Variants in TM2D1 observed in about 807,000 individuals in gnomAD.
TM2D1 encodes the protein TM2 domain containing 1, also known as TM2 domain-containing protein 1.
In TM2D1, 15 loss-of-function variants were observed where a neutral mutation model predicts 28.4. The ratio of observed to expected loss-of-function variants is 0.53; its 90% confidence interval spans 0.35 to 0.81. TM2D1 has a LOEUF of 0.81. Ranked by LOEUF, TM2D1 falls within the 40% of genes least tolerant of loss-of-function variation. The pLI is 0.01. For synonymous variants in TM2D1, 93 were observed against 96.2 expected (o/e 0.97, Z 0.20); for missense variants, 236 against 254.9 (o/e 0.93, Z 0.50).
chr1:61,717,928 C>G (rs561019369), intron 2 of TM2D1, among the ~76,000 whole-genome samples: 1 of 152,002 alleles, frequency 6.6e-6, no homozygotes, highest in Non-Finnish European at 1.5e-5. Context: ...GCAGGAGGAT[C>G]GCTTGAGTCC....
At chr1:61,708,715 C>T (rs1644456901) in intron 3 of TM2D1, among the ~76,000 whole-genome samples, 1 of 152,202 alleles carries the variant, frequency 6.6e-6, no homozygotes, top group Non-Finnish European at 1.5e-5. Context: ...AAATCTCCCA[C>T]ATTTTGAAGA....
At position 61,683,433 on chromosome 1, in the gene TM2D1, T is replaced by C. The variant is rs1644262224; in HGVS notation, c.*3A>G. 8.1e-7 allele frequency: 1 copy of C among 1,240,234 alleles called. No individual in the cohort carries two copies. Among genetic ancestry groups the C allele is most frequent in the Non-Finnish European group, 1.1e-6 (1 of 905,582 alleles). 76.8% of individuals were successfully genotyped at this position (1,240,234 alleles called of 1,614,324 possible). ...ATCACTTACTGTTTCTTTTAAAAAA[T>C]ATTTATGGATATAATTGCGTTTTTC... On this transcript the variant is annotated 3_prime_UTR_variant, in exon 6 of 7. Coordinates refer to ENST00000606498, the MANE Select transcript of TM2D1 (RefSeq NM_032027.3).
At chr1:61,716,148 C>G (rs911031713) in intron 2 of TM2D1, among the ~76,000 whole-genome samples, 5 of 151,068 alleles carry the variant, frequency 3.3e-5, no homozygotes, top group Non-Finnish European at 5.9e-5. Context: ...TAGTGAGACT[C>G]TGTCTCTAAA....
chr1:61,713,209 G>A (rs909946176), intron 2 of TM2D1, among the ~76,000 whole-genome samples: 1 of 151,722 alleles, frequency 6.6e-6, no homozygotes, highest in Non-Finnish European at 1.5e-5. Context: ...CGGGTGCAGC[G>A]GCTCATGCCT....
At chr1:61,714,539 C>CA (rs935045395) in intron 2 of TM2D1, among the ~76,000 whole-genome samples, 6 of 151,236 alleles carry the variant, frequency 4.0e-5, no homozygotes, top group African/African-American at 1.5e-4. Context: ...AGACTCTGTC[C>CA]AAAAAAAACT....
intron 2 of TM2D1, 23 bp from the exon 3 acceptor site, chr1:61,709,460 A>C (rs764843839): frequency 1.4e-5 from 22 of 1,552,042 alleles, no homozygotes; most frequent in Non-Finnish European, 2.0e-5. Flanking sequence ...AAAGTCAAGA[A>C]ACTGTTATTT....
intron 4 of TM2D1, 73 bp downstream of exon 4, chr1:61,700,861 A>G (rs1311169673): frequency 2.1e-5 from 22 of 1,055,390 alleles, no homozygotes; most frequent in Non-Finnish European, 3.1e-5. Flanking sequence ...ACAGAGATTT[A>G]ATCCATAAGA....
chr1:61,725,015 C>T lies in TM2D1; in HGVS notation c.106G>A (p.Val36Ile), dbSNP rs1644595365. 1 of 1,611,116 alleles carries T rather than the reference C, an allele frequency of 6.2e-7. No homozygotes were observed. The highest frequency in any genetic ancestry group is 1.1e-5 in the South Asian group (1 of 91,046). Reference protein sequence around the residue: ...VSVTTGPWGAVATSAGGEESL... With the variant: ...VSVTTGPWGAIATSAGGEESL... ...TCCTCGCCCCCGGCGGAGGTGGCAA[C>T]AGCCCCCCAGGGTCCTGTAGTGACT... The change falls in exon 1 of 7, where the codon GTT (valine) becomes ATT (isoleucine). Residue 36 changes from valine (V) to isoleucine (I), a missense_variant. Physicochemically the swap from Val to Ile is conservative, Grantham distance 29. Transcript: ENST00000606498.
At chr1:61,682,451 A>G (rs1329265526) in intron 6 of TM2D1, among the ~76,000 whole-genome samples, 5 of 152,244 alleles carry the variant, frequency 3.3e-5, no homozygotes, top group Non-Finnish European at 2.9e-5. Flanking sequence ...CAAAATCCTG[A>G]GTAAAAGTTT....
chr1:61,706,751 G>A (rs61770089), intron 3 of TM2D1, among the ~76,000 whole-genome samples: 89,131 of 150,896 alleles, frequency 0.59, 27,873 homozygotes, highest in East Asian at 0.84. Context: ...CAGTGATGGC[G>A]GAGGTTGGTG....
chr1:61,710,573 A>G (rs554208133), intron 2 of TM2D1, among the ~76,000 whole-genome samples: 2 of 151,286 alleles, frequency 1.3e-5, no homozygotes, highest in East Asian at 3.9e-4. Flanking sequence ...AGAATATATA[A>G]AAGTACCTGG....
At chr1:61,690,481 A>C (rs1779265) in intron 5 of TM2D1, among the ~76,000 whole-genome samples, 26 of 120,770 alleles carry the variant, frequency 2.2e-4, no homozygotes, top group African/African-American at 7.1e-4. Flanking sequence ...AAAAAAAAAA[A>C]CACAAAACAA....
intron 3 of TM2D1, among the ~76,000 whole-genome samples, chr1:61,701,509 T>C (rs1473922099): frequency 6.6e-6 from 1 of 151,882 alleles, no homozygotes; most frequent in Non-Finnish European, 1.5e-5. Flanking sequence ...AACTATCATT[T>C]TGAAGTCAAA....
At chr1:61,686,060 A>T (rs1644283204) in intron 5 of TM2D1, among the ~76,000 whole-genome samples, 1 of 152,134 alleles carries the variant, frequency 6.6e-6, no homozygotes, top group South Asian at 2.1e-4. Flanking sequence ...TGAAAGGAAA[A>T]CTTGGAAGAG....
intron 3 of TM2D1, among the ~76,000 whole-genome samples, chr1:61,701,310 C>CAAAAAAAA (rs10587870): frequency 6.7e-4 from 56 of 84,072 alleles, no homozygotes; most frequent in East Asian, 8.4e-4. Flanking sequence ...TAAATGTTAA[C>CAAAAAAAA]AAAAAAAAAA....
intron 2 of TM2D1, among the ~76,000 whole-genome samples, chr1:61,721,861 C>G (rs146348375): frequency 6.6e-5 from 10 of 150,736 alleles, no homozygotes; most frequent in Non-Finnish European, 1.3e-4. Flanking sequence ...TGTCATCCCA[C>G]CACTTTAGGA....
chr1:61,712,566 A>G (rs1476910759), intron 2 of TM2D1, among the ~76,000 whole-genome samples: 1 of 152,004 alleles, frequency 6.6e-6, no homozygotes, highest in African/African-American at 2.4e-5. Flanking sequence ...ACCTGCTACC[A>G]TGTCCAATTA....
At chr1:61,684,723 A>G (rs1644271179) in intron 5 of TM2D1, among the ~76,000 whole-genome samples, 1 of 152,206 alleles carries the variant, frequency 6.6e-6, no homozygotes. Flanking sequence ...AAATTTTTAA[A>G]TATTTTAATT....
rs144398666 is a variant in TM2D1 at position 61,719,604 on chromosome 1, T to C, written c.238+4109A>G. Among the ~76,000 whole-genome samples the C allele has an allele frequency of 8.1e-3, 1,223 of 151,818 alleles. 16 individuals are homozygous for C. The highest frequency in any genetic ancestry group is 0.028 in the African/African-American group (1,172 of 41,388). ...ACCTCCCGGGTTCAAGCAATTCTCCTGCTTCAGCCTCCCAAGTAGCTGGGA... is the reference window on the plus strand; with the variant it reads ...ACCTCCCGGGTTCAAGCAATTCTCCCGCTTCAGCCTCCCAAGTAGCTGGGA... On this transcript the variant is annotated intron_variant, in intron 2 of 6. Transcript: ENST00000606498.
Sources: allele counts gnomAD v4.1 joint callset (sites outside exome capture counted in the v4.1 genomes callset), GRCh38; gene constraint gnomAD v4.1.1; transcripts MANE v1.5; gene names NCBI Gene and HGNC (gene_info 2026-07-23, HGNC 2026-07-21).